TCF4: variants seen among roughly 807,000 people sequenced by gnomAD.
The protein encoded by TCF4 is SL3-3 enhancer factor 2.
TCF4 carries 3 observed loss-of-function variants against 82.1 expected under a neutral mutation model. The ratio of observed to expected loss-of-function variants is 0.04; its 90% CI spans 0.02 to 0.09. The LOEUF is 0.09. Among genes scored for constraint, TCF4 ranks in the 10% least tolerant of loss-of-function variants. The probability of loss-of-function intolerance (pLI) is 1.00; values close to 1 mark genes in which losing one functional copy is unlikely to be tolerated. For synonymous variants in TCF4, 276 were observed against 309.6 expected, an observed-to-expected ratio of 0.89 and a Z score of 1.14; for missense variants, 518 against 852.7, an observed-to-expected ratio of 0.61 and a Z score of 4.89.
intron 6 of TCF4, among the ~76,000 whole-genome samples, chr18:55,402,787 A>G (rs1262493348): frequency 6.6e-6 from 1 of 152,202 alleles, no homozygotes; most frequent in African/African-American, 2.4e-5. Context: ...AAAGTATACA[A>G]ATGCAAAGTG....
intron 7 of TCF4, 39 bp downstream of exon 7, chr18:55,350,835 T>A: frequency 6.2e-7 from 1 of 1,612,312 alleles, no homozygotes; most frequent in Non-Finnish European, 8.5e-7. Flanking sequence ...GAAAAAGGCA[T>A]AATCATCCCT....
intron 8 of TCF4, among the ~76,000 whole-genome samples, chr18:55,294,659 T>C (rs1220181024): frequency 6.6e-6 from 1 of 152,248 alleles, no homozygotes; most frequent in African/African-American, 2.4e-5. Flanking sequence ...CACGCTGCAA[T>C]TCCACAGTTG....
intron 6 of TCF4, chr18:55,401,386 G>A (rs1385152576): frequency 9.1e-7 from 1 of 1,103,714 alleles, no homozygotes. Context: ...AATTAAGAAT[G>A]AAGGAATCTC....
At chr18:55,627,116 G>T (rs896691654) in intron 2 of TCF4, among the ~76,000 whole-genome samples, 3 of 152,178 alleles carry the variant, frequency 2.0e-5, no homozygotes, top group African/African-American at 7.2e-5. Context: ...TTGAGTCAGA[G>T]ATTTTTTGCT....
intron 5 of TCF4, among the ~76,000 whole-genome samples, chr18:55,405,753 GA>G: frequency 6.6e-6 from 1 of 152,230 alleles, no homozygotes; most frequent in Middle Eastern, 3.4e-3. Context: ...CAAGAGGTAG[GA>G]AAAGAAAGAG....
intron 3 of TCF4, among the ~76,000 whole-genome samples, chr18:55,471,241 T>A (rs1222593682): frequency 6.6e-6 from 1 of 152,204 alleles, no homozygotes; most frequent in Non-Finnish European, 1.5e-5. Flanking sequence ...TGACAGATGA[T>A]GTCCACACAA....
chr18:55,321,479 G>A (rs1057189439), intron 8 of TCF4: 42 of 848,674 alleles, frequency 4.9e-5, no homozygotes, highest in Non-Finnish European at 7.8e-5. Flanking sequence ...GGAGTGGGGG[G>A]AAAAAAAGAC....
chr18:55,447,948 T>A (rs2095554643), intron 5 of TCF4, among the ~76,000 whole-genome samples: 1 of 141,432 alleles, frequency 7.1e-6, no homozygotes, highest in African/African-American at 2.6e-5. Context: ...GCTCTGAATA[T>A]TTACTTGTGA....
At chr18:55,454,302 ATAG>A (rs2095689508) in intron 5 of TCF4, among the ~76,000 whole-genome samples, 1 of 152,216 alleles carries the variant, frequency 6.6e-6, no homozygotes, top group Non-Finnish European at 1.5e-5. Context: ...ATATAGTCCT[ATAG>A]AACAAAATGT....
chr18:55,422,392 G>C (rs2094804525), intron 5 of TCF4: 2 of 984,774 alleles, frequency 2.0e-6, no homozygotes, highest in Non-Finnish European at 2.4e-6. Context: ...GAAAAGGAAA[G>C]AAGGGAAAAG....
chr18:55,386,793 T>G (rs1012507071), intron 6 of TCF4, among the ~76,000 whole-genome samples: 3 of 152,172 alleles, frequency 2.0e-5, no homozygotes, highest in Non-Finnish European at 4.4e-5. Flanking sequence ...CTTTCACCAG[T>G]TGAAAAACCA....
intron 8 of TCF4, among the ~76,000 whole-genome samples, chr18:55,319,982 T>A (rs2075093240): frequency 6.6e-6 from 1 of 152,228 alleles, no homozygotes; most frequent in African/African-American, 2.4e-5. Flanking sequence ...TGTAAGTCTT[T>A]CATTACGGAT....
intron 6 of TCF4, among the ~76,000 whole-genome samples, chr18:55,394,279 T>C (rs1167085150): frequency 6.6e-6 from 1 of 152,170 alleles, no homozygotes; most frequent in Non-Finnish European, 1.5e-5. Flanking sequence ...GACCCCCCCA[T>C]GTACAGAACT....
chr18:55,577,290 A>G (rs1335652747), intron 3 of TCF4, among the ~76,000 whole-genome samples: 4 of 148,850 alleles, frequency 2.7e-5, no homozygotes, highest in South Asian at 2.1e-4. Context: ...ATATATATAT[A>G]TGATGATCCA....
At chr18:55,401,925 C>G in intron 6 of TCF4, 1 of 855,886 alleles carries the variant, frequency 1.2e-6, no homozygotes, top group Non-Finnish European at 1.4e-6. Flanking sequence ...CTCTAATGAC[C>G]TCCGCCTTGA....
chr18:55,275,011 C>T (rs770361527), intron 10 of TCF4, among the ~76,000 whole-genome samples: 3 of 152,108 alleles, frequency 2.0e-5, no homozygotes, highest in Non-Finnish European at 2.9e-5. Context: ...CCTGGAGTGA[C>T]GCAAAACACA....
At chr18:55,433,300 C>T (rs2095252155) in intron 5 of TCF4, among the ~76,000 whole-genome samples, 1 of 152,174 alleles carries the variant, frequency 6.6e-6, no homozygotes, top group Non-Finnish European at 1.5e-5. Flanking sequence ...ATAACAAATG[C>T]TCCTCACAAA....
intron 3 of TCF4, among the ~76,000 whole-genome samples, chr18:55,483,589 T>C (rs755588927): frequency 1.3e-4 from 20 of 152,226 alleles, no homozygotes; most frequent in Non-Finnish European, 4.4e-5. Context: ...TAATCTCTTA[T>C]ATGGTCATTG....
At chr18:55,322,803 A>T (rs1056292213) in intron 8 of TCF4, among the ~76,000 whole-genome samples, 2 of 152,200 alleles carry the variant, frequency 1.3e-5, no homozygotes, top group Non-Finnish European at 2.9e-5. Flanking sequence ...CTGGGCTCTA[A>T]AGCAAGTTTA....
Sources: gnomAD v4.1 joint callset for allele counts (sites outside exome capture counted in the v4.1 genomes callset) on GRCh38, gnomAD v4.1.1 for gene constraint, MANE v1.5 for transcripts, NCBI Gene and HGNC (gene_info 2026-07-23, HGNC 2026-07-21) for gene names.